The following POFUT3 variants were observed in gnomAD, a reference collection of about 807,000 sequenced individuals.
POFUT3 encodes the protein protein O-fucosyltransferase 3, also known as GDP-fucose protein O-fucosyltransferase 3.
At chr8:33,470,439 A>C in the POFUT3 span, among the ~76,000 whole-genome samples, 1 of 151,972 alleles carries the variant, frequency 6.6e-6, no homozygotes, top group South Asian at 2.1e-4. Context: ...TAAAAATTAA[A>C]AGTGGGGTGA....
chr8:33,406,632 C>T, the POFUT3 span, among the ~76,000 whole-genome samples: 48,368 of 151,514 alleles, frequency 0.32, 7,853 homozygotes, highest in South Asian at 0.44. Flanking sequence ...GGGTGTGTCA[C>T]CATGTTGCCC....
the POFUT3 span, among the ~76,000 whole-genome samples, chr8:33,357,072 T>C: frequency 6.6e-6 from 1 of 152,250 alleles, no homozygotes; most frequent in Non-Finnish European, 1.5e-5. Flanking sequence ...TTGGTTACTG[T>C]AGCCTTATAG....
chr8:33,451,040 A>C, the POFUT3 span, among the ~76,000 whole-genome samples: 3 of 151,290 alleles, frequency 2.0e-5, no homozygotes, highest in African/African-American at 7.3e-5. Context: ...CAAAAAAAAA[A>C]AGTACAGTAC....
the POFUT3 span, among the ~76,000 whole-genome samples, chr8:33,345,826 C>CTT: frequency 7.3e-6 from 1 of 137,682 alleles, no homozygotes; most frequent in Non-Finnish European, 1.6e-5. Context: ...GTATTTATTA[C>CTT]TTTTTTTTTT....
chr8:33,322,162 T>C, the POFUT3 span, among the ~76,000 whole-genome samples: 1 of 152,270 alleles, frequency 6.6e-6, no homozygotes, highest in East Asian at 1.9e-4. Context: ...TCCCTTTTAT[T>C]TCCTTCCCCT....
At chr8:33,395,996 A>G in the POFUT3 span, among the ~76,000 whole-genome samples, 1 of 152,210 alleles carries the variant, frequency 6.6e-6, no homozygotes, top group Non-Finnish European at 1.5e-5. Context: ...ATTCTCATGT[A>G]GCAGAGCAAG....
the POFUT3 span, among the ~76,000 whole-genome samples, chr8:33,441,597 C>T: frequency 1.3e-5 from 2 of 151,754 alleles, no homozygotes; most frequent in African/African-American, 4.8e-5. Context: ...CCCAGGCTGG[C>T]CTCAAACTCG....
chr8:33,410,455 CA>C, the POFUT3 span, among the ~76,000 whole-genome samples: 3 of 152,138 alleles, frequency 2.0e-5, no homozygotes, highest in Admixed American at 1.3e-4. Flanking sequence ...GTAGCACCCA[CA>C]GGGGAGGAGG....
the POFUT3 span, among the ~76,000 whole-genome samples, chr8:33,341,261 C>A: frequency 1.3e-5 from 2 of 151,456 alleles, no homozygotes; most frequent in Non-Finnish European, 2.9e-5. Context: ...ATAGTGAAAC[C>A]CTGTCTCTAC....
chr8:33,321,557 C>A, the POFUT3 span, among the ~76,000 whole-genome samples: 3 of 152,060 alleles, frequency 2.0e-5, no homozygotes, highest in Non-Finnish European at 1.5e-5. Context: ...TGGCTTCCCC[C>A]AAAGATGCTC....
chr8:33,427,446 G>A, the POFUT3 span, among the ~76,000 whole-genome samples: 1 of 152,046 alleles, frequency 6.6e-6, no homozygotes, highest in Non-Finnish European at 1.5e-5. Flanking sequence ...GGGCATGGTG[G>A]TGCATGCCTG....
chr8:33,380,319 T>C, the POFUT3 span, among the ~76,000 whole-genome samples: 122 of 138,244 alleles, frequency 8.8e-4, 1 homozygote, highest in African/African-American at 3.2e-3. Context: ...AGATGTAATA[T>C]AAAACAGGAG....
the POFUT3 span, chr8:33,461,445 C>G: frequency 6.2e-7 from 1 of 1,613,474 alleles, no homozygotes. Context: ...CCTCTGAATC[C>G]GCACCATGCT....
At chr8:33,320,877 G>A in the POFUT3 span, among the ~76,000 whole-genome samples, 1 of 152,074 alleles carries the variant, frequency 6.6e-6, no homozygotes, top group Non-Finnish European at 1.5e-5. Context: ...CACTTCTGAA[G>A]CATTTCATTG....
chr8:33,396,957 C>CA, the POFUT3 span, among the ~76,000 whole-genome samples: 1 of 151,828 alleles, frequency 6.6e-6, no homozygotes, highest in South Asian at 2.1e-4. Flanking sequence ...AAACTAAGGC[C>CA]AAAAAAATGT....
At chr8:33,387,686 C>G in the POFUT3 span, among the ~76,000 whole-genome samples, 1 of 152,278 alleles carries the variant, frequency 6.6e-6, no homozygotes, top group African/African-American at 2.4e-5. Context: ...TGCCTGTAGT[C>G]CCAGCTACTC....
the POFUT3 span, among the ~76,000 whole-genome samples, chr8:33,435,713 A>C: frequency 6.6e-6 from 1 of 150,504 alleles, no homozygotes. Context: ...ATGGGGTTTC[A>C]CCATGTTGGC....
the POFUT3 span, chr8:33,453,485 T>G: frequency 6.2e-7 from 1 of 1,611,290 alleles, no homozygotes; most frequent in Non-Finnish European, 8.5e-7. Flanking sequence ...CTCCTTCCTT[T>G]CAAACTTCCC....
chr8:33,333,328 G>C, the POFUT3 span, among the ~76,000 whole-genome samples: 2 of 152,206 alleles, frequency 1.3e-5, no homozygotes, highest in Admixed American at 6.5e-5. Context: ...GGGAGGTAAG[G>C]AGGTCAGACC....
Sources: allele counts gnomAD v4.1 joint callset (sites outside exome capture counted in the v4.1 genomes callset), GRCh38; gene constraint gnomAD v4.1.1; transcripts MANE v1.5; gene names NCBI Gene and HGNC (gene_info 2026-07-23, HGNC 2026-07-21).